The following ZRANB3 variants were observed in gnomAD, a reference collection of about 807,000 sequenced individuals.
ZRANB3 encodes the protein zinc finger RANBP2-type containing 3, also known as DNA annealing helicase and endonuclease ZRANB3.
A neutral mutation model predicts 133.8 loss-of-function variants in ZRANB3; 125 were observed. The ratio of observed to expected loss-of-function variants is 0.93; its 90% CI spans 0.81 to 1.08. The LOEUF (loss-of-function observed/expected upper bound fraction) is 1.08, where lower values mean the gene tolerates loss of function less well. ZRANB3 is among the 50% of genes least tolerant of loss of function. ZRANB3 has a pLI of 0.00. For synonymous variants in ZRANB3, 387 were observed against 432.7 expected (o/e 0.89, Z 1.31); for missense variants, 1,229 against 1,275.5 (o/e 0.96, Z 0.56).
At chr2:135,212,413 T>TA (rs1694129582) in intron 17 of ZRANB3, among the ~76,000 whole-genome samples, 1 of 152,200 alleles carries the variant, frequency 6.6e-6, no homozygotes, top group Non-Finnish European at 1.5e-5. Context: ...TTGCCTGAGG[T>TA]ATTATTCAAT....
intron 6 of ZRANB3, among the ~76,000 whole-genome samples, chr2:135,343,250 T>TA (rs956387939): frequency 4.7e-5 from 7 of 148,412 alleles, no homozygotes; most frequent in Non-Finnish European, 1.0e-4. Context: ...TTCCAGCACA[T>TA]ATAGAGATGA....
intron 8 of ZRANB3, among the ~76,000 whole-genome samples, chr2:135,300,725 T>C (rs1682385719): frequency 6.6e-6 from 1 of 152,198 alleles, no homozygotes; most frequent in Non-Finnish European, 1.5e-5. Context: ...CCTTTCCCAG[T>C]TAAGATATGA....
intron 2 of ZRANB3, among the ~76,000 whole-genome samples, chr2:135,478,550 T>C (rs1691609102): frequency 6.6e-6 from 1 of 152,210 alleles, no homozygotes; most frequent in Admixed American, 6.5e-5. Context: ...CTTATGTAAA[T>C]GGACATATAC....
intron 8 of ZRANB3, among the ~76,000 whole-genome samples, chr2:135,294,333 T>C (rs1357308318): frequency 6.6e-6 from 1 of 152,216 alleles, no homozygotes; most frequent in South Asian, 2.1e-4. Flanking sequence ...GGAGGGTGTA[T>C]GTGTTGAGGA....
intron 11 of ZRANB3, among the ~76,000 whole-genome samples, 185 bp downstream of exon 11, chr2:135,268,777 T>C (rs1451738534): frequency 4.6e-5 from 7 of 152,120 alleles, no homozygotes; most frequent in African/African-American, 9.7e-5. Context: ...GCCTCTCTTA[T>C]TACAGAGGAG....
chr2:135,299,291 C>T (rs1682319246), intron 8 of ZRANB3, among the ~76,000 whole-genome samples: 1 of 152,110 alleles, frequency 6.6e-6, no homozygotes, highest in Non-Finnish European at 1.5e-5. Flanking sequence ...TGGGGGAAAG[C>T]CTGCAGTGAC....
chr2:135,248,423 G>A (rs1695898022), intron 12 of ZRANB3, among the ~76,000 whole-genome samples: 1 of 152,184 alleles, frequency 6.6e-6, no homozygotes, highest in Non-Finnish European at 1.5e-5. Context: ...AAAAGCAACA[G>A]TTGACAAGTG....
chr2:135,412,783 A>G lies in ZRANB3; in HGVS notation c.162-21963T>C, dbSNP rs149652478. Among the ~76,000 whole-genome samples the G allele has an allele frequency of 2.6e-3, 397 of 152,244 alleles. 1 individual carries two copies. Among genetic ancestry groups the G allele is most frequent in the African/African-American group, 8.7e-3 (361 of 41,560 alleles). On this transcript the variant is annotated intron_variant, in intron 2 of 20. Coordinates refer to ENST00000264159, the MANE Select transcript of ZRANB3 (RefSeq NM_032143.4). Reference sequence around the variant, plus strand: ...TTTGTTCTTCATTAGTGAAAGTTATAGGGCAATTTTCTGCTAATGGAATCA... The same window carrying G: ...TTTGTTCTTCATTAGTGAAAGTTATGGGGCAATTTTCTGCTAATGGAATCA...
intron 8 of ZRANB3, among the ~76,000 whole-genome samples, chr2:135,278,770 C>T (rs545880138): frequency 2.0e-5 from 3 of 152,174 alleles, no homozygotes; most frequent in East Asian, 1.9e-4. Flanking sequence ...TGGAAGAAAA[C>T]GTATCCATAG....
chr2:135,341,490 T>C (rs1421912712), intron 6 of ZRANB3, among the ~76,000 whole-genome samples: 1 of 149,972 alleles, frequency 6.7e-6, no homozygotes, highest in Non-Finnish European at 1.5e-5. Flanking sequence ...CTGCACAAAT[T>C]GTTTGTAGAG....
At chr2:135,483,357 T>C (rs1691927824) in intron 2 of ZRANB3, among the ~76,000 whole-genome samples, 1 of 152,240 alleles carries the variant, frequency 6.6e-6, no homozygotes, top group African/African-American at 2.4e-5. Flanking sequence ...AGAGTGTATT[T>C]GTCGAGGAAT....
At chr2:135,319,203 T>C (rs1404551543) in intron 6 of ZRANB3, among the ~76,000 whole-genome samples, 1 of 151,318 alleles carries the variant, frequency 6.6e-6, no homozygotes, top group African/African-American at 2.5e-5. Context: ...AGTACAAATA[T>C]GAGTCTATAA....
chr2:135,349,943 C>A, intron 5 of ZRANB3, 41 bp downstream of exon 5: 2 of 1,578,598 alleles, frequency 1.3e-6, no homozygotes, highest in Non-Finnish European at 1.7e-6. Context: ...CTCCCACCCC[C>A]CTTCTCTTCT....
At chr2:135,232,735 T>C (rs1695091864) in intron 12 of ZRANB3, among the ~76,000 whole-genome samples, 1 of 152,222 alleles carries the variant, frequency 6.6e-6, no homozygotes, top group Non-Finnish European at 1.5e-5. Context: ...CTGAGGGTCC[T>C]GACTGTTAGA....
chr2:135,486,536 G>A (rs927314240), intron 2 of ZRANB3, among the ~76,000 whole-genome samples: 5 of 147,994 alleles, frequency 3.4e-5, no homozygotes, highest in African/African-American at 1.0e-4. Flanking sequence ...TTCAATATAA[G>A]AGGAGTCTTG....
chr2:135,344,258 G>A (rs1230981778), intron 6 of ZRANB3, among the ~76,000 whole-genome samples: 6 of 152,138 alleles, frequency 3.9e-5, no homozygotes, highest in Admixed American at 1.3e-4. Context: ...AATAGCAGAC[G>A]TGAAAATAAA....
intron 2 of ZRANB3, among the ~76,000 whole-genome samples, chr2:135,439,958 T>C (rs1448441751): frequency 6.6e-6 from 1 of 152,206 alleles, no homozygotes; most frequent in African/African-American, 2.4e-5. Context: ...TGTTATATTC[T>C]AGAACCATAA....
At chr2:135,488,413 T>A (rs1208840703) in intron 2 of ZRANB3, among the ~76,000 whole-genome samples, 1 of 152,022 alleles carries the variant, frequency 6.6e-6, no homozygotes, top group Non-Finnish European at 1.5e-5. Flanking sequence ...AACCTTCAAC[T>A]TGTAAAAACC....
intron 10 of ZRANB3, among the ~76,000 whole-genome samples, chr2:135,270,454 C>A (rs1223285222): frequency 1.3e-5 from 2 of 152,096 alleles, no homozygotes; most frequent in African/African-American, 4.8e-5. Context: ...AGAAGCACAG[C>A]CTTGAATAAA....
Sources: gnomAD v4.1 joint callset for allele counts (sites outside exome capture counted in the v4.1 genomes callset) on GRCh38, gnomAD v4.1.1 for gene constraint, MANE v1.5 for transcripts, NCBI Gene and HGNC (gene_info 2026-07-23, HGNC 2026-07-21) for gene names.